The following PASD1 variants were observed in gnomAD, a reference collection of about 807,000 sequenced individuals.
The protein encoded by PASD1 is circadian clock protein PASD1.
In PASD1, 13 loss-of-function variants were observed where a neutral mutation model predicts 58.8. That is an observed-to-expected ratio of 0.22 (90% CI 0.14 to 0.35). PASD1 has a LOEUF of 0.35. Ranked by LOEUF, PASD1 falls within the 10% of genes least tolerant of loss-of-function variation. The probability of loss-of-function intolerance (pLI) is 1.00; values close to 1 mark genes in which losing one functional copy is unlikely to be tolerated. For missense variants in PASD1, 734 were observed against 568.3 expected (o/e 1.29, Z -2.96); for synonymous variants, 236 against 216.7 (o/e 1.09, Z -0.78).
rs1022900640 is a variant in PASD1, at chrX:151,638,681, G to C, written c.630-9934G>C. Among the ~76,000 whole-genome samples, 6 of 111,162 alleles carry C rather than the reference G, an allele frequency of 5.4e-5. No individual in the cohort carries two copies. In the Admixed American group the frequency reaches 5.7e-4, roughly 11 times the overall value. On this transcript the variant is annotated intron_variant, in intron 8 of 15. Coordinates refer to ENST00000370357, the MANE Select transcript of PASD1 (RefSeq NM_173493.3). Reference sequence around the variant, plus strand: ...CAACAGTGTATTTTGCAGAACAAAGGGTTTTTATTTTAAGAAAGGAATATT... The same window carrying C: ...CAACAGTGTATTTTGCAGAACAAAGCGTTTTTATTTTAAGAAAGGAATATT...
At chrX:151,611,975 C>T (rs1602929877) in intron 4 of PASD1, among the ~76,000 whole-genome samples, 1 of 66,546 alleles carries the variant, frequency 1.5e-5, no homozygotes, top group South Asian at 1.7e-3. Context: ...CCCCTCCCCC[C>T]ACCCTACAAC....
intron 14 of PASD1, chrX:151,673,533 T>C (rs2014504908): frequency 5.2e-6 from 1 of 191,358 alleles, no homozygotes; most frequent in African/African-American, 2.9e-5. Context: ...TCACAAGACT[T>C]CCAGGCTTAG....
intron 1 of PASD1, among the ~76,000 whole-genome samples, chrX:151,569,983 A>C (rs1265127478): frequency 9.0e-6 from 1 of 111,460 alleles, no homozygotes; most frequent in Non-Finnish European, 1.9e-5. Context: ...TATCCATCTT[A>C]AATTAATTTT....
chrX:151,610,935 C>T (rs2013548409), intron 3 of PASD1, among the ~76,000 whole-genome samples: 1 of 86,391 alleles, frequency 1.2e-5, no homozygotes, highest in African/African-American at 4.4e-5. Context: ...TTGAAAGTGT[C>T]TCCCTTTTGG....
In PASD1 at chrX:151,672,211, T is replaced by G. The variant is rs914578034; in HGVS notation, c.1466T>G (p.Leu489Arg). ...QQQLVQQEQH[L>R]KEQQRQLREQ... The stretch of plus-strand genomic sequence containing the variant: ...CAACTGGTGCAGCAAGAACAACACC[T>G]GAAGGAGCAGCAGCGGCAGCTGCGG... The change falls in exon 14 of 16, where the codon CTG becomes CGG. Residue 489 changes from leucine (L) to arginine (R), a missense_variant. Transcript: ENST00000370357. 3 of 1,159,486 alleles carry G rather than the reference T, an allele frequency of 2.6e-6. No individual in the cohort carries two copies. Among genetic ancestry groups the G allele is most frequent in the Admixed American group, 2.7e-5 (1 of 36,885 alleles).
chrX:151,651,650 T>C (rs775529045), intron 9 of PASD1, among the ~76,000 whole-genome samples: 7 of 112,397 alleles, frequency 6.2e-5, no homozygotes, highest in Non-Finnish European at 1.1e-4. Flanking sequence ...CAGATACTTA[T>C]TTAAGATTCT....
At chrX:151,565,744 G>A (rs1375457178) in intron 1 of PASD1, among the ~76,000 whole-genome samples, 1 of 109,982 alleles carries the variant, frequency 9.1e-6, no homozygotes, top group Non-Finnish European at 1.9e-5. Context: ...ATTTTTAGTA[G>A]AGACGGGGTT....
intron 8 of PASD1, among the ~76,000 whole-genome samples, chrX:151,631,430 G>A (rs756488661): frequency 6.4e-4 from 72 of 112,085 alleles, no homozygotes; most frequent in African/African-American, 1.3e-3. Context: ...GACCAGGGAT[G>A]TTACTAAGAG....
chrX:151,607,001 T>C (rs2013497308), intron 3 of PASD1, among the ~76,000 whole-genome samples: 2 of 111,736 alleles, frequency 1.8e-5, no homozygotes, highest in Non-Finnish European at 3.8e-5. Context: ...AAAAAAATAG[T>C]ACAGGTGACA....
intron 7 of PASD1, among the ~76,000 whole-genome samples, chrX:151,625,180 G>A (rs1369624801): frequency 8.9e-6 from 1 of 111,830 alleles, no homozygotes; most frequent in Non-Finnish European, 1.9e-5. Context: ...TTCACAGCGT[G>A]ACTGTGTAGT....
chrX:151,597,024 A>T (rs1441451997), intron 1 of PASD1, among the ~76,000 whole-genome samples: 1 of 112,308 alleles, frequency 8.9e-6, no homozygotes, highest in Non-Finnish European at 1.9e-5. Context: ...TTTCTGGATT[A>T]ACTCCACTTT....
At chrX:151,669,865 A>G (rs2014441708) in intron 11 of PASD1, among the ~76,000 whole-genome samples, 1 of 111,940 alleles carries the variant, frequency 8.9e-6, no homozygotes, top group South Asian at 3.8e-4. Context: ...GGGAGTGCAG[A>G]TACCTTTTTG....
chrX:151,595,618 G>C (rs5969808), intron 1 of PASD1, among the ~76,000 whole-genome samples: 1 of 107,735 alleles, frequency 9.3e-6, no homozygotes, highest in Non-Finnish European at 1.9e-5. Flanking sequence ...CCGGCTACTC[G>C]GGAAGTTGAG....
intron 9 of PASD1, 123 bp from the exon 10 acceptor site, chrX:151,659,590 T>C: frequency 4.4e-6 from 3 of 674,516 alleles, no homozygotes; most frequent in Non-Finnish European, 4.3e-6. Context: ...AGGTTTTCAG[T>C]TGATTGCAGC....
chrX:151,659,627 C>T, intron 9 of PASD1, 86 bp from the exon 10 acceptor site: 1 of 924,076 alleles, frequency 1.1e-6, no homozygotes, highest in East Asian at 3.2e-5. Flanking sequence ...ATGTGAAATG[C>T]ATCAAAGTTT....
chrX:151,611,659 A>G lies in PASD1; in HGVS notation c.118-5A>G, dbSNP rs2056834260. 2.6e-6 allele frequency: 3 copies of G among 1,151,791 alleles called. No individual in the cohort carries two copies. Among genetic ancestry groups the G allele is most frequent in the East Asian group, 3.0e-5 (1 of 33,189 alleles). 94.9% of individuals were successfully genotyped at this position (1,151,791 alleles called of 1,213,427 possible). A position where few individuals can be genotyped will look rare whatever the true frequency, so the allele number is the denominator to read the frequency against. ...TTAATTACATTATTATTCTCTCGTC[A>G]TTAGTTATTAGATGGCTTTATGATT... On this transcript the variant is annotated splice_region_variant and splice_polypyrimidine_tract_variant and intron_variant, in intron 3 of 15. Coordinates refer to ENST00000370357, the MANE Select transcript of PASD1 (RefSeq NM_173493.3).
chrX:151,638,916 T>C (rs929039895), intron 8 of PASD1, among the ~76,000 whole-genome samples: 3 of 112,199 alleles, frequency 2.7e-5, no homozygotes, highest in African/African-American at 9.7e-5. Flanking sequence ...TGTCCAGTTG[T>C]TCCAGTATCA....
chrX:151,662,525 T>A (rs760394056), intron 10 of PASD1, among the ~76,000 whole-genome samples: 15 of 111,472 alleles, frequency 1.3e-4, no homozygotes, highest in Admixed American at 6.7e-4. Context: ...TACAGGTGTG[T>A]CACTACTTCT....
Position 151,671,663 on chromosome X carries a change from C to G in PASD1, c.1321C>G (p.Gln441Glu). 1.7e-6 allele frequency: 2 copies of G among 1,210,764 alleles called. No homozygotes were observed. Among genetic ancestry groups the G allele is most frequent in the South Asian group, 3.5e-5 (2 of 56,968 alleles). Residue 441 changes from glutamine to glutamate, a missense_variant, in exon 13 of 16, where the codon CAA (glutamine) becomes GAA (glutamate). Gln to Glu is a conservative substitution (Grantham distance 29). Transcript: ENST00000370357. ...GAAACAACAGAAACAACACGCTGGG[C>G]AAGTGAAGCGGCCTCTCCCACATCC... ...PKKQQKQHAG[Q>E]VKRPLPHPKD...
Sources: gnomAD v4.1 joint callset for allele counts (sites outside exome capture counted in the v4.1 genomes callset) on GRCh38, gnomAD v4.1.1 for gene constraint, MANE v1.5 for transcripts, NCBI Gene and HGNC (gene_info 2026-07-23, HGNC 2026-07-21) for gene names.